Variants in CADPS2 observed in about 807,000 individuals in gnomAD.
The protein encoded by CADPS2 is calcium-dependent secretion activator 2.
CADPS2 carries 93 observed loss-of-function variants against 172.5 expected under a neutral mutation model. That is an observed-to-expected ratio of 0.54 (90% confidence interval 0.46 to 0.64). The LOEUF is 0.64. CADPS2 is among the 30% of genes least tolerant of loss of function. CADPS2 has a pLI of 0.00. For synonymous variants in CADPS2, 546 were observed against 555.2 expected, an observed-to-expected ratio of 0.98 and a Z score of 0.23; for missense variants, 1,420 against 1,565.9, an observed-to-expected ratio of 0.91 and a Z score of 1.57.
At chr7:122,843,493 G>A (rs897250786) in intron 1 of CADPS2, among the ~76,000 whole-genome samples, 12 of 152,154 alleles carry the variant, frequency 7.9e-5, no homozygotes, top group Admixed American at 6.5e-4. Context: ...CAAATAGTGA[G>A]ATCACAACTT....
intron 28 of CADPS2, among the ~76,000 whole-genome samples, chr7:122,343,803 A>C (rs2037150111): frequency 6.6e-6 from 1 of 152,220 alleles, no homozygotes; most frequent in Non-Finnish European, 1.5e-5. Flanking sequence ...TAGCAGAAAA[A>C]GTAAAAGAGA....
intron 9 of CADPS2, among the ~76,000 whole-genome samples, chr7:122,491,996 C>T (rs1586592259): frequency 6.6e-6 from 1 of 152,002 alleles, no homozygotes; most frequent in Admixed American, 6.6e-5. Flanking sequence ...CACGGTGAAA[C>T]CCCATCTCTA....
At chr7:122,733,719 G>GC (rs1303939621) in intron 2 of CADPS2, among the ~76,000 whole-genome samples, 4 of 151,920 alleles carry the variant, frequency 2.6e-5, no homozygotes, top group Non-Finnish European at 5.9e-5. Flanking sequence ...TCCAATCAGG[G>GC]CCCAGTGATA....
At chr7:122,344,409 A>G (rs1027734561) in intron 28 of CADPS2, among the ~76,000 whole-genome samples, 8 of 152,198 alleles carry the variant, frequency 5.3e-5, no homozygotes, top group African/African-American at 1.9e-4. Context: ...CAATATTGTT[A>G]TTTAAATTGA....
intron 28 of CADPS2, among the ~76,000 whole-genome samples, chr7:122,331,749 A>C (rs1396881272): frequency 6.6e-6 from 1 of 152,252 alleles, no homozygotes; most frequent in Non-Finnish European, 1.5e-5. Flanking sequence ...AACCGAGTTT[A>C]CAGAGGCACA....
intron 27 of CADPS2, among the ~76,000 whole-genome samples, chr7:122,355,147 T>C (rs982776401): frequency 2.6e-4 from 39 of 152,236 alleles, no homozygotes; most frequent in Non-Finnish European, 3.7e-4. Flanking sequence ...TGTTAACTCA[T>C]ACATCTTCAA....
chr7:122,456,609 G>A (rs1586225240), intron 14 of CADPS2, among the ~76,000 whole-genome samples: 1 of 152,184 alleles, frequency 6.6e-6, no homozygotes, highest in Non-Finnish European at 1.5e-5. Context: ...AACACCAAGT[G>A]CAGTTGTGTG....
intron 2 of CADPS2, among the ~76,000 whole-genome samples, chr7:122,665,844 G>T (rs1173553913): frequency 1.3e-5 from 2 of 152,102 alleles, no homozygotes; most frequent in Non-Finnish European, 2.9e-5. Context: ...CTTACTATTG[G>T]AAAGTCTCCC....
At chr7:122,564,717 C>T (rs988753981) in intron 7 of CADPS2, among the ~76,000 whole-genome samples, 2 of 152,084 alleles carry the variant, frequency 1.3e-5, no homozygotes, top group South Asian at 2.1e-4. Context: ...TGCATGCCTA[C>T]GTTTATCACA....
In CADPS2 at chr7:122,455,219, G is replaced by A. The variant is rs145213427; in HGVS notation, c.2187-3744C>T. ...GGCCTTTGCAAGTGCTGCTGCTTCT[G>A]CCTGAGAGTGCTTTCTCTACATGTA... On this transcript the variant is annotated intron_variant, in intron 14 of 29. Coordinates refer to ENST00000449022, the MANE Select transcript of CADPS2 (RefSeq NM_017954.11). 2.0e-3 allele frequency among the ~76,000 whole-genome samples: 305 copies of A among 152,138 alleles called. 1 individual carries two copies. The highest frequency in any genetic ancestry group is 6.4e-3 in the African/African-American group (265 of 41,500).
chr7:122,389,528 G>C (rs1327167352), intron 22 of CADPS2, among the ~76,000 whole-genome samples: 2 of 151,780 alleles, frequency 1.3e-5, no homozygotes, highest in African/African-American at 4.8e-5. Flanking sequence ...ACTTATAGAA[G>C]TTACCTTCTA....
chr7:122,518,875 A>G (rs1340198101), intron 8 of CADPS2, among the ~76,000 whole-genome samples: 1 of 152,042 alleles, frequency 6.6e-6, no homozygotes, highest in Non-Finnish European at 1.5e-5. Context: ...ACGTGATTTT[A>G]AAGAGGAAAG....
At chr7:122,860,164 T>TA (rs762452456) in intron 1 of CADPS2, among the ~76,000 whole-genome samples, 2 of 151,748 alleles carry the variant, frequency 1.3e-5, no homozygotes, top group East Asian at 1.9e-4. Flanking sequence ...TCACAAAAAA[T>TA]AAGAGACTAG....
chr7:122,485,417 G>T (rs2057706279), intron 11 of CADPS2, among the ~76,000 whole-genome samples: 1 of 152,180 alleles, frequency 6.6e-6, no homozygotes, highest in African/African-American at 2.4e-5. Context: ...CTGATATGAA[G>T]AAAGTTTGAA....
Position 122,388,596 on chromosome 7 carries a change from C to T in CADPS2, c.3151G>A (p.Ala1051Thr), listed in dbSNP as rs779794080. 3.7e-6 allele frequency: 6 copies of T among 1,601,778 alleles called. 1 individual carries two copies. Among genetic ancestry groups the T allele is most frequent in the Non-Finnish European group, 5.1e-6 (6 of 1,171,812 alleles). The change falls in exon 23 of 30, where the codon GCC becomes ACC. Residue 1051 changes from alanine to threonine, a missense_variant. Coordinates refer to ENST00000449022, the MANE Select transcript of CADPS2 (RefSeq NM_017954.11). ...LKLMASDMLE[A>T]CVKRTRTAFE... ...ATACATGTCTACCTTTTGACACAGG[C>T]CTCTAGCATATCACTGGCCATTAGT... is the stretch of plus-strand genomic sequence containing the variant.
At chr7:122,424,681 CA>C (rs2048924205) in intron 17 of CADPS2, among the ~76,000 whole-genome samples, 1 of 152,206 alleles carries the variant, frequency 6.6e-6, no homozygotes, top group Non-Finnish European at 1.5e-5. Context: ...TCTATTCTTA[CA>C]TGATTTATGA....
intron 2 of CADPS2, among the ~76,000 whole-genome samples, chr7:122,668,553 G>A (rs2081432104): frequency 1.3e-5 from 2 of 152,154 alleles, no homozygotes; most frequent in East Asian, 1.9e-4. Context: ...TTTACTAGCA[G>A]TCAAGAGAGG....
At chr7:122,572,279 ACTTTT>A (rs1290342652) in intron 7 of CADPS2, among the ~76,000 whole-genome samples, 1 of 152,136 alleles carries the variant, frequency 6.6e-6, no homozygotes, top group Non-Finnish European at 1.5e-5. Context: ...TTGTGGTACA[ACTTTT>A]CTTAAAATCA....
At chr7:122,747,895 C>T (rs928720300) in intron 1 of CADPS2, among the ~76,000 whole-genome samples, 2 of 152,168 alleles carry the variant, frequency 1.3e-5, no homozygotes, top group Non-Finnish European at 2.9e-5. Context: ...GACGACACCT[C>T]CAAGAAATCT....
Sources: allele counts gnomAD v4.1 joint callset (sites outside exome capture counted in the v4.1 genomes callset), GRCh38; gene constraint gnomAD v4.1.1; transcripts MANE v1.5; gene names NCBI Gene and HGNC (gene_info 2026-07-23, HGNC 2026-07-21).